MTHFD1L: variants seen among roughly 807,000 people sequenced by gnomAD.
MTHFD1L encodes the protein monofunctional C1-tetrahydrofolate synthase, mitochondrial.
MTHFD1L carries 81 observed loss-of-function variants against 119.5 expected under a neutral mutation model. The observed-to-expected ratio is 0.68, with a 90% CI of 0.57 to 0.82. MTHFD1L has a LOEUF of 0.82. Among genes scored for constraint, MTHFD1L ranks in the 40% least tolerant of loss-of-function variants. MTHFD1L has a pLI of 0.00. For synonymous variants in MTHFD1L, 430 were observed against 475.2 expected (o/e 0.90, Z 1.24); for missense variants, 1,125 against 1,253.4 (o/e 0.90, Z 1.55).
chr6:150,962,597 G>A (rs1328384983), intron 18 of MTHFD1L, among the ~76,000 whole-genome samples: 3 of 152,140 alleles, frequency 2.0e-5, no homozygotes, highest in African/African-American at 7.2e-5. Context: ...TCCCCACATG[G>A]ACACAGAGTG....
intron 21 of MTHFD1L, among the ~76,000 whole-genome samples, chr6:151,010,765 GAAATA>G (rs56352634): frequency 0.29 from 43,764 of 151,668 alleles, 7,092 homozygotes; most frequent in African/African-American, 0.43. Flanking sequence ...TAATCATTTT[GAAATA>G]AAATAAAATT....
chr6:151,078,056 A>G (rs1792750820), intron 26 of MTHFD1L, among the ~76,000 whole-genome samples: 1 of 150,308 alleles, frequency 6.7e-6, no homozygotes, highest in Admixed American at 6.6e-5. Flanking sequence ...CTGTCTCAAA[A>G]AAAAAAAAAA....
At position 151,039,386 on chromosome 6, in the gene MTHFD1L, CTA is replaced by C. The variant is rs1562578892; in HGVS notation, c.2847+2271_2847+2272del. ...AACTTTTTGGGATAATGCAAATACC[CTA>C]TGTTTTGACGTGGTAGTGATTCCAT... On this transcript the variant is annotated intron_variant, in intron 26 of 27. Transcript: ENST00000367321. The surrounding 1 kb of genome is among the most constrained non-coding windows in gnomAD (Gnocchi z 4.4). 2.0e-5 allele frequency among the ~76,000 whole-genome samples: 3 copies of C among 152,020 alleles called. No homozygotes were observed. Among genetic ancestry groups the C allele is most frequent in the Non-Finnish European group, 4.4e-5 (3 of 68,010 alleles).
chr6:151,022,182 A>C, intron 24 of MTHFD1L: 1 of 375,584 alleles, frequency 2.7e-6, no homozygotes, highest in Non-Finnish European at 5.5e-6. Flanking sequence ...GGTCTTTTTT[A>C]AGGCAGGATG....
intron 11 of MTHFD1L, among the ~76,000 whole-genome samples, chr6:150,928,867 A>G (rs1443107484): frequency 6.6e-6 from 1 of 152,032 alleles, no homozygotes; most frequent in Non-Finnish European, 1.5e-5. Flanking sequence ...TGTAAGAGGG[A>G]CAGACAGCCA....
chr6:150,903,361 G>A (rs1785391654), intron 7 of MTHFD1L, among the ~76,000 whole-genome samples: 1 of 151,616 alleles, frequency 6.6e-6, no homozygotes, highest in South Asian at 2.1e-4. Flanking sequence ...GAGGTTTAGT[G>A]GTATTTTGGC....
In MTHFD1L at chr6:151,069,968, G is replaced by A. The variant is rs142100310; in HGVS notation, c.2848-22499G>A. On this transcript the variant is annotated intron_variant, in intron 26 of 27. Transcript: ENST00000367321. Reference sequence around the variant, plus strand: ...CATGCTGCTTTTATGTTGACGCAGAGGACCTGTGTTGACTCTTCATCGGCA... The same window carrying A: ...CATGCTGCTTTTATGTTGACGCAGAAGACCTGTGTTGACTCTTCATCGGCA... Among the ~76,000 whole-genome samples the A allele has an allele frequency of 4.6e-3, 699 of 152,266 alleles. 7 individuals carry two copies. The highest frequency in any genetic ancestry group is 9.1e-3 in the South Asian group (44 of 4,822).
At chr6:150,960,819 A>G (rs1457464060) in intron 18 of MTHFD1L, among the ~76,000 whole-genome samples, 4 of 152,312 alleles carry the variant, frequency 2.6e-5, no homozygotes, top group African/African-American at 9.6e-5. Context: ...CTCTGCTTCC[A>G]TGAACAGGAA....
chr6:151,066,032 G>T (rs1379043769), intron 26 of MTHFD1L, among the ~76,000 whole-genome samples: 4 of 151,744 alleles, frequency 2.6e-5, no homozygotes, highest in Non-Finnish European at 4.4e-5. Context: ...ATATTTTCAT[G>T]TTGATAGGAT....
chr6:150,867,154 GA>G (rs1161891104), intron 1 of MTHFD1L, among the ~76,000 whole-genome samples: 1 of 152,080 alleles, frequency 6.6e-6, no homozygotes, highest in Non-Finnish European at 1.5e-5. Context: ...TGTGGCGGAT[GA>G]TTTTAAGGGG....
chr6:150,868,736 A>G (rs920523364), intron 1 of MTHFD1L, among the ~76,000 whole-genome samples: 10 of 152,124 alleles, frequency 6.6e-5, no homozygotes, highest in Admixed American at 5.9e-4. Flanking sequence ...AGGCAAATCA[A>G]AATTATTAGT....
At chr6:150,967,106 C>T (rs1409128190) in intron 19 of MTHFD1L, among the ~76,000 whole-genome samples, 2 of 117,270 alleles carry the variant, frequency 1.7e-5, no homozygotes, top group Non-Finnish European at 4.3e-5. Flanking sequence ...ATTTCAAAAA[C>T]CTCCTGCCCC....
At chr6:150,961,512 T>C (rs536737277) in intron 18 of MTHFD1L, among the ~76,000 whole-genome samples, 1 of 152,346 alleles carries the variant, frequency 6.6e-6, no homozygotes, top group South Asian at 2.1e-4. Context: ...CAAATTTAAG[T>C]TTACTTTCCC....
At chr6:151,071,837 A>ATTTTTTTTT (rs753092094) in intron 26 of MTHFD1L, among the ~76,000 whole-genome samples, 7 of 107,500 alleles carry the variant, frequency 6.5e-5, no homozygotes, top group Middle Eastern at 6.3e-3. Flanking sequence ...GTAAGTACAG[A>ATTTTTTTTT]TTTTTTTTTT....
intron 24 of MTHFD1L, among the ~76,000 whole-genome samples, chr6:151,033,688 C>T (rs76257065): frequency 0.012 from 1,801 of 152,194 alleles, 30 homozygotes; most frequent in African/African-American, 0.04. Flanking sequence ...GCTTAAGTGA[C>T]AGTAGGTTCA....
intron 27 of MTHFD1L, among the ~76,000 whole-genome samples, chr6:151,093,052 C>T (rs1351406511): frequency 1.3e-5 from 2 of 152,210 alleles, no homozygotes; most frequent in East Asian, 1.9e-4. Flanking sequence ...GACAAAGTAT[C>T]GCAAACTGGG....
chr6:151,071,687 G>T (rs1791959494), intron 26 of MTHFD1L, among the ~76,000 whole-genome samples: 1 of 152,132 alleles, frequency 6.6e-6, no homozygotes, highest in African/African-American at 2.4e-5. Context: ...TAACGGAGCA[G>T]TAACTAAAGA....
At chr6:151,005,519 ATGT>A (rs1781263399) in intron 20 of MTHFD1L, among the ~76,000 whole-genome samples, 1 of 152,060 alleles carries the variant, frequency 6.6e-6, no homozygotes, top group Admixed American at 6.6e-5. Context: ...TTACTTCTGC[ATGT>A]TGTTTTCGTC....
At chr6:151,088,508 G>A (rs990342094) in intron 26 of MTHFD1L, 1 of 152,110 alleles carries the variant, frequency 6.6e-6, no homozygotes, top group African/African-American at 2.4e-5. Context: ...CCAGGCTGGA[G>A]TGCATTGGTG....
Sources: allele counts gnomAD v4.1 joint callset (sites outside exome capture counted in the v4.1 genomes callset), GRCh38; gene constraint gnomAD v4.1.1; non-coding constraint Gnocchi (gnomAD v3.1); transcripts MANE v1.5; gene names NCBI Gene and HGNC (gene_info 2026-07-23, HGNC 2026-07-21).